Variants in HSPA9 observed in about 807,000 individuals in gnomAD.
HSPA9 encodes the protein stress-70 protein, mitochondrial.
In HSPA9, 28 loss-of-function variants were observed where a neutral mutation model predicts 81.5. The observed-to-expected ratio is 0.34, with a 90% CI of 0.25 to 0.47. HSPA9 has a LOEUF of 0.47. HSPA9 is among the 20% of genes least tolerant of loss of function. The probability of loss-of-function intolerance (pLI) is 1.00; values close to 1 mark genes in which losing one functional copy is unlikely to be tolerated. For synonymous variants in HSPA9, 293 were observed against 290.4 expected (o/e 1.01, Z -0.09); for missense variants, 678 against 838.0 (o/e 0.81, Z 2.36).
At chr5:138,572,839 A>G (rs1166417450) in intron 3 of HSPA9, among the ~76,000 whole-genome samples, 2 of 151,994 alleles carry the variant, frequency 1.3e-5, no homozygotes, top group African/African-American at 2.4e-5. Flanking sequence ...ATAATTCTCC[A>G]TGTGGAAGTA....
At chr5:138,566,261 T>C (rs1215109735) in intron 9 of HSPA9, among the ~76,000 whole-genome samples, 1 of 151,502 alleles carries the variant, frequency 6.6e-6, no homozygotes, top group East Asian at 1.9e-4. Flanking sequence ...TTATTTAATA[T>C]TGTCAGTTAA....
chr5:138,558,089 G>A (rs911306706), intron 12 of HSPA9, 103 bp from the exon 13 acceptor site: 10 of 819,356 alleles, frequency 1.2e-5, no homozygotes, highest in Non-Finnish European at 2.2e-5. Flanking sequence ...CTTGGTTCCT[G>A]GGAGAAACAA....
chr5:138,556,386 T>C, intron 16 of HSPA9, 66 bp downstream of exon 16: 1 of 1,567,510 alleles, frequency 6.4e-7, no homozygotes, highest in South Asian at 1.1e-5. Context: ...GAGCCACCAG[T>C]GACAGTCATC....
rs751940589 is a variant in HSPA9 at position 138,560,052 on chromosome 5, T to G, written c.1222A>C (p.Ser408Arg). The G allele has an allele frequency of 2.5e-6, 4 of 1,614,176 alleles. No individual in the cohort carries two copies. Among genetic ancestry groups the G allele is most frequent in the Non-Finnish European group, 3.4e-6 (4 of 1,180,040 alleles). Residue 408 changes from serine to arginine, a missense_variant, in exon 11 of 17, where the codon AGT (serine) becomes CGT (arginine). Ser to Arg is a moderately radical substitution (Grantham distance 110). Transcript: ENST00000297185. The stretch of plus-strand genomic sequence containing the variant: ...GCCTCATCAGGATTGACAGCTTTAC[T>G]TGGGGCTCTGCCAAAAAGATCCTGT... ...TVQDLFGRAP[S>R]KAVNPDEAVA...
chr5:138,560,874 T>C, intron 10 of HSPA9: 1 of 428,796 alleles, frequency 2.3e-6, no homozygotes, highest in Non-Finnish European at 4.6e-6. Context: ...ATATGAGGCA[T>C]CCACCTGGTC....
chr5:138,560,465 T>C (rs1750629613), intron 10 of HSPA9, among the ~76,000 whole-genome samples: 1 of 152,228 alleles, frequency 6.6e-6, no homozygotes, highest in South Asian at 2.1e-4. Context: ...TAGGCAGCTG[T>C]AGCAATAATT....
chr5:138,556,917 G>GCTGAATGT, intron 14 of HSPA9, 51 bp from the exon 15 acceptor site: 1 of 1,244,826 alleles, frequency 8.0e-7, no homozygotes, highest in Non-Finnish European at 1.2e-6. Context: ...ACCAAAGTTT[G>GCTGAATGT]CTGAATGTCT....
rs1580741497 is a variant in HSPA9 at position 138,558,544 on chromosome 5, A to G, written c.1515+9T>C. The stretch of plus-strand genomic sequence containing the variant: ...GGAGGCATAGTATTCAGGATTCACA[A>G]TAACCTACCAAAGTAAACTGTCCAA... On this transcript the variant is annotated intron_variant, in intron 12 of 16. Coordinates refer to ENST00000297185, the MANE Select transcript of HSPA9 (RefSeq NM_004134.7). The G allele has an allele frequency of 5.9e-6, 9 of 1,535,558 alleles. No homozygotes were observed. Among genetic ancestry groups the G allele is most frequent in the Non-Finnish European group, 8.1e-6 (9 of 1,108,472 alleles).
chr5:138,566,894 C>T, intron 8 of HSPA9, 107 bp downstream of exon 8: 1 of 1,260,886 alleles, frequency 7.9e-7, no homozygotes, highest in Non-Finnish European at 1.2e-6. Flanking sequence ...GTATCTGTGT[C>T]TAGAATAAGG....
At position 138,560,025 on chromosome 5, in the gene HSPA9, C is replaced by T. The variant is rs1275465640; in HGVS notation, c.1249G>A (p.Val417Met). ...PSKAVNPDEA[V>M]AIGAAIQGGV... is the part of the protein sequence containing the mutation. ...CCCTGAATGGCAGCTCCAATGGCCA[C>T]AGCCTCATCAGGATTGACAGCTTTA... is the stretch of plus-strand genomic sequence containing the variant. The change falls in exon 11 of 17, where the codon GTG becomes ATG. Residue 417 changes from valine (V) to methionine (M), a missense_variant. Coordinates refer to ENST00000297185, the MANE Select transcript of HSPA9 (RefSeq NM_004134.7). 1 of 1,614,086 alleles carries T rather than the reference C, an allele frequency of 6.2e-7. No homozygotes were observed. The highest frequency in any genetic ancestry group is 1.3e-5 in the African/African-American group (1 of 74,936).
chr5:138,554,571 C>T lies in HSPA9; in HGVS notation c.*1466G>A, dbSNP rs1750480300. On this transcript the variant is annotated 3_prime_UTR_variant, in exon 17 of 17. Coordinates refer to ENST00000297185, the MANE Select transcript of HSPA9 (RefSeq NM_004134.7). Reference sequence around the variant, plus strand: ...GTCTAAATCACTTCCTTCATACTTGCAAATTAAATTGATTTCTTATACTGA... The same window carrying T: ...GTCTAAATCACTTCCTTCATACTTGTAAATTAAATTGATTTCTTATACTGA... 6.6e-6 allele frequency among the ~76,000 whole-genome samples: 1 copy of T among 152,180 alleles called. No homozygotes were observed. Among genetic ancestry groups the T allele is most frequent in the Non-Finnish European group, 1.5e-5 (1 of 68,038 alleles).
intron 3 of HSPA9, among the ~76,000 whole-genome samples, chr5:138,573,264 G>C (rs1477845828): frequency 6.6e-6 from 1 of 151,690 alleles, no homozygotes; most frequent in African/African-American, 2.4e-5. Flanking sequence ...TGGGACCTCA[G>C]GTAATCCACC....
intron 4 of HSPA9, chr5:138,570,651 A>C (rs1006458049): frequency 1.7e-5 from 6 of 348,374 alleles, no homozygotes; most frequent in Non-Finnish European, 3.4e-5. Flanking sequence ...ATGCACAGCT[A>C]ATTTTTGTAT....
Position 138,567,572 on chromosome 5 carries a change from C to G in HSPA9, c.610-11G>C, listed in dbSNP as rs760118382. 2 of 1,613,090 alleles carry G rather than the reference C, an allele frequency of 1.2e-6. No individual in the cohort carries two copies. The highest frequency in any genetic ancestry group is 1.3e-5 in the African/African-American group (1 of 74,894). On this transcript the variant is annotated splice_polypyrimidine_tract_variant and intron_variant, in intron 6 of 16. Coordinates refer to ENST00000297185, the MANE Select transcript of HSPA9 (RefSeq NM_004134.7). ...AGCATCTTTAGTGGCCTAGAGAAAA[C>G]AAAGAGAAAAACATTTTTGTACCCT...
chr5:138,557,055 C>A (rs1394619428), intron 14 of HSPA9, 189 bp from the exon 15 acceptor site: 1 of 640,064 alleles, frequency 1.6e-6, no homozygotes, highest in African/African-American at 1.8e-5. Flanking sequence ...TTTGTAACAT[C>A]AGAATTGTGA....
At position 138,556,506 on chromosome 5, in the gene HSPA9, T is replaced by C; in HGVS notation, c.1908A>G (p.Ala636=). The C allele has an allele frequency of 6.2e-7, 1 of 1,614,086 alleles. No individual in the cohort carries two copies. Among genetic ancestry groups the C allele is most frequent in the Non-Finnish European group, 8.5e-7 (1 of 1,179,938 alleles). The change falls in exon 16 of 17, where the codon GCA becomes GCG. Residue 636 remains alanine, a synonymous_variant. Transcript: ENST00000297185. ...DSETGENIRQ[A]ASSLQQASLK... is the part of the protein sequence containing the mutation. ...GTGATGCCTGCTGAAGAGAGGATGC[T>C]GCCTGTCTAATATTTTCTCCTGTTT...
intron 1 of HSPA9, chr5:138,574,947 G>A (rs965924937): frequency 2.0e-5 from 11 of 547,806 alleles, no homozygotes; most frequent in Non-Finnish European, 6.5e-6. Flanking sequence ...CACCCCCAAG[G>A]CCAAACCTTT....
In HSPA9 at chr5:138,558,580, G is replaced by T. The variant is rs759527989; in HGVS notation, c.1488C>A (p.Asp496Glu). 1 of 1,612,356 alleles carries T rather than the reference G, an allele frequency of 6.2e-7. No individual in the cohort carries two copies. The highest frequency in any genetic ancestry group is 1.1e-5 in the South Asian group (1 of 91,038). Reference protein sequence around the residue: ...VCQGEREMAGDNKLLGQFTLI... With the variant: ...VCQGEREMAGENKLLGQFTLI... ...AAGTAAACTGTCCAAGGAGTTTGTT[G>T]TCTCCAGCCATCTCTCTTTCACCCT... The change falls in exon 12 of 17, where the codon GAC (aspartate) becomes GAA (glutamate). Residue 496 changes from aspartate (D) to glutamate (E), a missense_variant. This residue lies in a region of HSPA9 where 484 missense variants were observed against 647.5 expected (regional missense o/e 0.75). Transcript: ENST00000297185.
intron 3 of HSPA9, among the ~76,000 whole-genome samples, chr5:138,573,376 C>T (rs939641253): frequency 6.6e-6 from 1 of 152,034 alleles, no homozygotes; most frequent in African/African-American, 2.4e-5. Flanking sequence ...GGAAGTACTT[C>T]GAGGCCAGGC....
Sources: gnomAD v4.1 joint callset for allele counts (sites outside exome capture counted in the v4.1 genomes callset) on GRCh38, gnomAD v4.1.1 for gene constraint, gnomAD v4.1.1 regional missense constraint, MANE v1.5 for transcripts, NCBI Gene and HGNC (gene_info 2026-07-23, HGNC 2026-07-21) for gene names.